Variants in MALT1 observed in about 807,000 individuals in gnomAD.
The protein encoded by MALT1 is mucosa-associated lymphoid tissue lymphoma translocation protein 1.
MALT1 carries 36 observed loss-of-function variants against 85.5 expected under a neutral mutation model. The ratio of observed to expected loss-of-function variants is 0.42; its 90% CI spans 0.32 to 0.56. The LOEUF is 0.56. Among genes scored for constraint, MALT1 ranks in the 20% least tolerant of loss-of-function variants. The probability of loss-of-function intolerance (pLI) is 0.10; values close to 1 mark genes in which losing one functional copy is unlikely to be tolerated. For missense variants in MALT1, 716 were observed against 981.6 expected (o/e 0.73, Z 3.62); for synonymous variants, 359 against 361.3 (o/e 0.99, Z 0.07).
chr18:58,681,091 C>A, intron 1 of MALT1, 79 bp from the exon 2 acceptor site: 2 of 1,308,342 alleles, frequency 1.5e-6, no homozygotes, highest in South Asian at 2.7e-5. Flanking sequence ...TTCCATACAG[C>A]ACCACCGTGG....
intron 3 of MALT1, among the ~76,000 whole-genome samples, chr18:58,696,716 T>C (rs553586233): frequency 6.6e-6 from 1 of 152,222 alleles, no homozygotes; most frequent in African/African-American, 2.4e-5. Context: ...CTCTAAAAAT[T>C]GTGGAAAATA....
intron 2 of MALT1, among the ~76,000 whole-genome samples, chr18:58,683,735 A>C (rs1388033864): frequency 1.3e-5 from 2 of 152,160 alleles, no homozygotes. Context: ...TAGGATTAGC[A>C]CTTTTCTATC....
intron 10 of MALT1, among the ~76,000 whole-genome samples, chr18:58,732,748 A>G (rs1407113698): frequency 1.6e-5 from 2 of 124,216 alleles, no homozygotes; most frequent in African/African-American, 8.2e-5. Context: ...GAGTCAGGAG[A>G]GAAATCCTAG....
At position 58,690,486 on chromosome 18, in the gene MALT1, C is replaced by T. The variant is rs147913036; in HGVS notation, c.377-5880C>T. On this transcript the variant is annotated intron_variant, in intron 2 of 16. Transcript: ENST00000649217. ...TCCATGTGGAAGCCAGAGCCTCCTC[C>T]CCTGGATGGAGTGTACGAGATCCCT... 6.6e-3 allele frequency: 1,134 copies of T among 172,622 alleles called. 2 individuals carry two copies. The highest frequency in any genetic ancestry group is 0.013 in the Admixed American group (225 of 16,680). The allele number at this position is 172,622 out of a possible 1,614,324, so 10.7% of individuals were successfully genotyped here.
chr18:58,728,019 C>T (rs938448166), intron 10 of MALT1, among the ~76,000 whole-genome samples: 2 of 152,128 alleles, frequency 1.3e-5, no homozygotes, highest in Admixed American at 6.5e-5. Flanking sequence ...GTGTTGTGCT[C>T]ATCAGCCACT....
chr18:58,692,195 G>C (rs936580117), intron 2 of MALT1: 1 of 152,102 alleles, frequency 6.6e-6, no homozygotes, highest in African/African-American at 2.4e-5. Context: ...ACCCACCTTT[G>C]CCTTCTCCCA....
At chr18:58,686,772 G>C (rs917664781) in intron 2 of MALT1, among the ~76,000 whole-genome samples, 1 of 152,132 alleles carries the variant, frequency 6.6e-6, no homozygotes, top group Non-Finnish European at 1.5e-5. Flanking sequence ...AAGTGCAAAG[G>C]TTGTTTAATG....
intron 4 of MALT1, among the ~76,000 whole-genome samples, chr18:58,701,104 T>C (rs1456716202): frequency 1.3e-5 from 2 of 151,544 alleles, no homozygotes; most frequent in Non-Finnish European, 2.9e-5. Context: ...GCTTTAATTG[T>C]CCTTCTGTGT....
At chr18:58,689,497 A>G (rs989777191) in intron 2 of MALT1, among the ~76,000 whole-genome samples, 7 of 152,220 alleles carry the variant, frequency 4.6e-5, no homozygotes, top group African/African-American at 1.2e-4. Flanking sequence ...AACACCCACT[A>G]ACACCCACTG....
At chr18:58,722,953 T>C (rs1437082808) in intron 9 of MALT1, 95 bp from the exon 10 acceptor site, 7 of 766,810 alleles carry the variant, frequency 9.1e-6, no homozygotes, top group African/African-American at 1.8e-5. Flanking sequence ...AATAATGCAA[T>C]CTTAAAGCAT....
In MALT1 at chr18:58,733,518, G is replaced by T; in HGVS notation, c.1344G>T (p.Leu448Phe). ...TGTGTGTACAAAATATACTGAAATT[G>T]ATGCAAGAAAAAGAAACTGGACTTA... ...NCLCVQNILK[L>F]MQEKETGLNV... Residue 448 changes from leucine to phenylalanine, a missense_variant, in exon 11 of 17, where the codon TTG becomes TTT. By Grantham distance (22) the Leu-to-Phe change is conservative. Transcript: ENST00000649217. The T allele has an allele frequency of 6.2e-7, 1 of 1,612,208 alleles. No individual in the cohort carries two copies.
At chr18:58,735,505 T>C (rs889533694) in intron 13 of MALT1, among the ~76,000 whole-genome samples, 176 bp downstream of exon 13, 5 of 152,220 alleles carry the variant, frequency 3.3e-5, no homozygotes, top group Non-Finnish European at 5.9e-5. Context: ...TTCTGCTATT[T>C]AATGTCATCT....
chr18:58,733,516 T>C lies in MALT1; in HGVS notation c.1342T>C (p.Leu448=), dbSNP rs767362908. The C allele has an allele frequency of 2.5e-6, 4 of 1,612,480 alleles. No individual in the cohort carries two copies. In the East Asian group the frequency reaches 6.7e-5, roughly 27 times the overall value. The part of the protein sequence containing the change: ...NCLCVQNILK[L]MQEKETGLNV... ...TCTGTGTGTACAAAATATACTGAAA[T>C]TGATGCAAGAAAAAGAAACTGGACT... The change falls in exon 11 of 17, where the codon TTG becomes CTG. Residue 448 remains leucine (L), a synonymous_variant. Coordinates refer to ENST00000649217, the MANE Select transcript of MALT1 (RefSeq NM_006785.4).
chr18:58,724,302 T>C (rs989590875), intron 10 of MALT1, among the ~76,000 whole-genome samples: 3 of 152,170 alleles, frequency 2.0e-5, no homozygotes, highest in Non-Finnish European at 4.4e-5. Flanking sequence ...AAATCTTACT[T>C]AAATGAGTTT....
In MALT1 at chr18:58,671,813, T is replaced by C; in HGVS notation, c.170T>C (p.Leu57Pro). ...CCCGAGGGCCGGGGCTGGAGGAGAC[T>C]GGCGGAGCTGGCGGGGAGTCGCGGG... Reference protein sequence around the residue: ...QAPEGRGWRRLAELAGSRGRL... With the variant: ...QAPEGRGWRRPAELAGSRGRL... Residue 57 changes from leucine (L) to proline (P), a missense_variant, in exon 1 of 17, where the codon CTG becomes CCG. By Grantham distance (98) the Leu-to-Pro change is moderately conservative (BLOSUM62 -3). This residue lies in a region of MALT1 where 290 missense variants were observed against 380.5 expected (regional missense o/e 0.76). Coordinates refer to ENST00000649217, the MANE Select transcript of MALT1 (RefSeq NM_006785.4). 8.1e-7 allele frequency: 1 copy of C among 1,235,746 alleles called. No homozygotes were observed. The highest frequency in any genetic ancestry group is 1.0e-6 in the Non-Finnish European group (1 of 990,458). The allele number at this position is 1,235,746 out of a possible 1,614,324, so 76.5% of individuals were successfully genotyped here. A position where few individuals can be genotyped will look rare whatever the true frequency, so the allele number is the denominator to read the frequency against.
intron 10 of MALT1, among the ~76,000 whole-genome samples, chr18:58,732,666 G>C (rs2055166907): frequency 6.8e-6 from 1 of 147,738 alleles, no homozygotes; most frequent in African/African-American, 2.5e-5. Flanking sequence ...TCTATGCCAG[G>C]AACACACAAA....
At position 58,671,526 on chromosome 18, in the gene MALT1, A is replaced by C. The variant is rs1452255044; in HGVS notation, c.-118A>C. ...CCTCTGAGGGCCGTGCCGCGCTGCC[A>C]GATTTGTTCTTCCGCCCCTGCCTCC... On this transcript the variant is annotated 5_prime_UTR_variant, in exon 1 of 17. Transcript: ENST00000649217. The C allele has an allele frequency of 5.2e-6, 3 of 574,608 alleles. No individual in the cohort carries two copies. Among genetic ancestry groups the C allele is most frequent in the African/African-American group, 2.0e-5 (1 of 51,116 alleles). 35.6% of individuals were successfully genotyped at this position (574,608 alleles called of 1,614,324 possible). A position where few individuals can be genotyped will look rare whatever the true frequency, so the allele number is the denominator to read the frequency against.
rs1237359794 is a variant in MALT1, at chr18:58,747,968, A to G, written c.*126A>G. 2.9e-6 allele frequency: 2 copies of G among 683,772 alleles called. No individual in the cohort carries two copies. The highest frequency in any genetic ancestry group is 2.8e-5 in the Admixed American group (1 of 36,308). 42.4% of individuals were successfully genotyped at this position (683,772 alleles called of 1,614,324 possible). On this transcript the variant is annotated 3_prime_UTR_variant, in exon 17 of 17. Transcript: ENST00000649217. ...GAGAAAGAATAGTAGTAACTGTTTC[A>G]TAGCAAACTTCAGGACTTTGAGATG...
At chr18:58,691,765 C>T (rs2054504180) in intron 2 of MALT1, among the ~76,000 whole-genome samples, 1 of 151,886 alleles carries the variant, frequency 6.6e-6, no homozygotes, top group African/African-American at 2.4e-5. Flanking sequence ...CTACTCTACT[C>T]AGGAGGCTGA....
Sources: gnomAD v4.1 joint callset for allele counts (sites outside exome capture counted in the v4.1 genomes callset) on GRCh38, gnomAD v4.1.1 for gene constraint, gnomAD v4.1.1 regional missense constraint, MANE v1.5 for transcripts, NCBI Gene and HGNC (gene_info 2026-07-23, HGNC 2026-07-21) for gene names.